TAF2: variants seen among roughly 807,000 people sequenced by gnomAD.
The protein encoded by TAF2 is transcription initiation factor TFIID subunit 2.
TAF2 carries 61 observed loss-of-function variants against 138.5 expected under a neutral mutation model. The observed-to-expected ratio is 0.44, with a 90% CI of 0.36 to 0.54. The LOEUF is 0.54. TAF2 is among the 20% of genes least tolerant of loss of function. TAF2 has a pLI of 0.00. For missense variants in TAF2, 1,090 were observed against 1,427.9 expected, an observed-to-expected ratio of 0.76 and a Z score of 3.81; for synonymous variants, 475 against 469.9, an observed-to-expected ratio of 1.01 and a Z score of -0.14.
In TAF2 at chr8:119,796,970, T is replaced by A. The variant is rs778230755; in HGVS notation, c.1091+20A>T. The A allele has an allele frequency of 1.5e-5, 23 of 1,519,970 alleles. No individual in the cohort carries two copies. Among genetic ancestry groups the A allele is most frequent in the Non-Finnish European group, 1.9e-5 (21 of 1,094,514 alleles). The allele number at this position is 1,519,970 out of a possible 1,614,324, so 94.2% of individuals were successfully genotyped here. On this transcript the variant is annotated intron_variant, in intron 8 of 25. Coordinates refer to ENST00000378164, the MANE Select transcript of TAF2 (RefSeq NM_003184.4). ...AAACTTGATTCTCTTCTCAGTAGTATGAACTTTCAGGTCACTCACCAAGAC... is the reference window on the plus strand; with the variant it reads ...AAACTTGATTCTCTTCTCAGTAGTAAGAACTTTCAGGTCACTCACCAAGAC...
chr8:119,820,229 A>G (rs1415320271), intron 2 of TAF2, among the ~76,000 whole-genome samples: 1 of 152,220 alleles, frequency 6.6e-6, no homozygotes, highest in Non-Finnish European at 1.5e-5. Context: ...ATATATGTTA[A>G]TTGATTTTAA....
chr8:119,804,141 C>T lies in TAF2; in HGVS notation c.419-122G>A, dbSNP rs958909224. ...GGACTGAGATTTATATGAAAAACCA[C>T]ACTACTTACCCTAGTTTAGACTTTT... On this transcript the variant is annotated intron_variant, in intron 4 of 25. Coordinates refer to ENST00000378164, the MANE Select transcript of TAF2 (RefSeq NM_003184.4). 4.4e-6 allele frequency: 5 copies of T among 1,135,094 alleles called. No homozygotes were observed. The African/African-American group carries it at 4.6e-5, about 10-fold the overall frequency. The allele number at this position is 1,135,094 out of a possible 1,614,324, so 70.3% of individuals were successfully genotyped here. A position where few individuals can be genotyped will look rare whatever the true frequency, so the allele number is the denominator to read the frequency against.
At chr8:119,792,683 G>A (rs1260913367) in intron 10 of TAF2, among the ~76,000 whole-genome samples, 1 of 152,150 alleles carries the variant, frequency 6.6e-6, no homozygotes, top group Non-Finnish European at 1.5e-5. Context: ...CCTTTGGGAA[G>A]TGATTAAATC....
chr8:119,796,910 A>T, intron 8 of TAF2, 80 bp downstream of exon 8: 1 of 984,034 alleles, frequency 1.0e-6, no homozygotes, highest in South Asian at 1.3e-5. Context: ...ATTAGGGCAA[A>T]GGTCAGCTTA....
intron 9 of TAF2, among the ~76,000 whole-genome samples, chr8:119,793,912 A>AAAAAAG (rs1823627073): frequency 9.3e-6 from 1 of 107,912 alleles, no homozygotes; most frequent in Non-Finnish European, 1.9e-5. Context: ...AGAAAAAAAA[A>AAAAAAG]GGGGGGGTTG....
chr8:119,776,731 G>C (rs1822273631), intron 18 of TAF2, among the ~76,000 whole-genome samples: 1 of 152,066 alleles, frequency 6.6e-6, no homozygotes, highest in Admixed American at 6.6e-5. Context: ...ACACTTACTT[G>C]TGTCTTTGTA....
chr8:119,731,064 A>G lies in TAF2; in HGVS notation c.*860T>C, dbSNP rs1818852865. 6.6e-6 allele frequency: 1 copy of G among 152,200 alleles called. No individual in the cohort carries two copies. The highest frequency in any genetic ancestry group is 1.9e-4 in the East Asian group (1 of 5,200). 9.4% of individuals were successfully genotyped at this position (152,200 alleles called of 1,614,324 possible). ...AAACAATATATAAGCTCACCTTTTT[A>G]AAGGTATCATACTTTGTGTCATATA... On this transcript the variant is annotated 3_prime_UTR_variant, in exon 26 of 26. Transcript: ENST00000378164.
chr8:119,757,253 G>A (rs534040060), intron 21 of TAF2, among the ~76,000 whole-genome samples: 14 of 152,078 alleles, frequency 9.2e-5, no homozygotes, highest in Admixed American at 1.3e-4. Context: ...ATAAGACTAC[G>A]GAAGGATTAT....
intron 3 of TAF2, among the ~76,000 whole-genome samples, 192 bp from the exon 4 acceptor site, chr8:119,806,593 G>A (rs1345347571): frequency 6.6e-6 from 1 of 150,784 alleles, no homozygotes; most frequent in Admixed American, 6.6e-5. Context: ...TCAGCCTCCC[G>A]AGTAGCTAGG....
chr8:119,781,017 A>G (rs1279085311), intron 17 of TAF2, 36 bp downstream of exon 17: 1 of 1,597,404 alleles, frequency 6.3e-7, no homozygotes, highest in African/African-American at 1.4e-5. Flanking sequence ...ACTGAAATAT[A>G]TAAAAACCAT....
At position 119,742,548 on chromosome 8, in the gene TAF2, G is replaced by T. The variant is rs549411553; in HGVS notation, c.3323C>A (p.Ala1108Glu). 1 of 1,613,898 alleles carries T rather than the reference G, an allele frequency of 6.2e-7. No individual in the cohort carries two copies. The highest frequency in any genetic ancestry group is 8.5e-7 in the Non-Finnish European group (1 of 1,179,940). The change falls in exon 25 of 26, where the codon GCA (alanine) becomes GAA (glutamate). Residue 1108 changes from alanine to glutamate, a missense_variant. This residue lies in a region of TAF2 where 580 missense variants were observed against 719.6 expected (regional missense o/e 0.81). Transcript: ENST00000378164. ...ATTATTTTTACCTGTTCCCTTCCGTGCAAGTTCCAAACTCCACTGGGGTTT... is the reference window on the plus strand; with the variant it reads ...ATTATTTTTACCTGTTCCCTTCCGTTCAAGTTCCAAACTCCACTGGGGTTT... The part of the protein sequence containing the change: ...TTKPQWSLEL[A>E]RKGTGKEQAP...
chr8:119,782,397 G>T (rs543324809), intron 16 of TAF2, among the ~76,000 whole-genome samples: 1 of 152,128 alleles, frequency 6.6e-6, no homozygotes, highest in Admixed American at 6.5e-5. Context: ...GGATCACAAA[G>T]ATCTTTATAG....
intron 9 of TAF2, among the ~76,000 whole-genome samples, chr8:119,795,260 G>A (rs893676212): frequency 1.9e-4 from 29 of 152,072 alleles, no homozygotes; most frequent in African/African-American, 6.3e-4. Context: ...AGTTACAAAC[G>A]ACTACTATAA....
chr8:119,761,951 T>C (rs904976872), intron 19 of TAF2, among the ~76,000 whole-genome samples: 9 of 152,160 alleles, frequency 5.9e-5, no homozygotes, highest in South Asian at 4.1e-4. Context: ...GTTCACTATA[T>C]AGAAAGTTAA....
intron 3 of TAF2, among the ~76,000 whole-genome samples, chr8:119,806,904 T>C (rs1459202665): frequency 1.3e-5 from 2 of 152,238 alleles, no homozygotes; most frequent in Non-Finnish European, 2.9e-5. Flanking sequence ...AATCTATGAA[T>C]ACAACAGAAT....
intron 6 of TAF2, among the ~76,000 whole-genome samples, chr8:119,799,190 T>C (rs1319396199): frequency 6.6e-6 from 1 of 152,222 alleles, no homozygotes; most frequent in African/African-American, 2.4e-5. Flanking sequence ...CTTTAAGTTC[T>C]ACGGTACATG....
intron 5 of TAF2, among the ~76,000 whole-genome samples, chr8:119,803,608 C>T (rs764399350): frequency 6.6e-6 from 1 of 151,522 alleles, no homozygotes; most frequent in Non-Finnish European, 1.5e-5. Flanking sequence ...ATGAGAATCA[C>T]TTGAACCCAG....
intron 16 of TAF2, 29 bp from the exon 17 acceptor site, chr8:119,781,222 T>G: frequency 6.2e-7 from 1 of 1,613,314 alleles, no homozygotes; most frequent in African/African-American, 1.3e-5. Flanking sequence ...CAAAGTAATT[T>G]CCATTACCAA....
rs1277400640 is a variant in TAF2 at position 119,754,194 on chromosome 8, A to G, written c.2878+1812T>C. 2.6e-5 allele frequency among the ~76,000 whole-genome samples: 4 copies of G among 152,120 alleles called. No homozygotes were observed. The East Asian group carries it at 5.8e-4, about 22-fold the overall frequency. On this transcript the variant is annotated intron_variant, in intron 22 of 25. Transcript: ENST00000378164. The stretch of plus-strand genomic sequence containing the variant: ...TGGTGCCTTTACTCGGTGGTATTGC[A>G]CTGTTATTATGAAACAGAAAAACAG...
Sources: allele counts gnomAD v4.1 joint callset (sites outside exome capture counted in the v4.1 genomes callset), GRCh38; gene constraint gnomAD v4.1.1; regional missense constraint gnomAD v4.1.1; transcripts MANE v1.5; gene names NCBI Gene and HGNC (gene_info 2026-07-23, HGNC 2026-07-21).